ABTB2: variants seen among roughly 807,000 people sequenced by gnomAD.
The protein encoded by ABTB2 is ankyrin repeat and BTB domain containing 2, also known as ankyrin repeat and BTB/POZ domain-containing protein 2.
Under a neutral mutation model 104.1 loss-of-function variants are expected in ABTB2, and 56 were observed. The observed-to-expected ratio is 0.54, with a 90% CI of 0.43 to 0.67. The LOEUF is 0.67. Among genes scored for constraint, ABTB2 ranks in the 30% least tolerant of loss-of-function variants. The probability of loss-of-function intolerance (pLI) is 0.00; values close to 1 mark genes in which losing one functional copy is unlikely to be tolerated. For synonymous variants in ABTB2, 606 were observed against 608.2 expected (o/e 1.00, Z 0.05); for missense variants, 1,279 against 1,407.7 (o/e 0.91, Z 1.46).
chr11:34,254,348 A>G (rs1241429264), intron 1 of ABTB2, among the ~76,000 whole-genome samples: 1 of 152,034 alleles, frequency 6.6e-6, no homozygotes, highest in Non-Finnish European at 1.5e-5. Flanking sequence ...CCCAGGCTTA[A>G]GCGATCCTAC....
At chr11:34,191,310 G>A (rs1056092215) in intron 3 of ABTB2, among the ~76,000 whole-genome samples, 1 of 152,188 alleles carries the variant, frequency 6.6e-6, no homozygotes, top group Admixed American at 6.5e-5. Flanking sequence ...CAACAAAGTG[G>A]CTGGAACCCA....
chr11:34,206,408 CCT>C (rs1853408167), intron 1 of ABTB2, among the ~76,000 whole-genome samples: 1 of 151,988 alleles, frequency 6.6e-6, no homozygotes, highest in Non-Finnish European at 1.5e-5. Flanking sequence ...ACAAAAAAAC[CCT>C]GTGTGATGGG....
chr11:34,254,250 T>G (rs559403213), intron 1 of ABTB2, among the ~76,000 whole-genome samples: 29 of 151,818 alleles, frequency 1.9e-4, no homozygotes, highest in Non-Finnish European at 3.4e-4. Flanking sequence ...AAAGGGAAGC[T>G]TTTTGATTTT....
In ABTB2 at chr11:34,159,277, G is replaced by A. The variant is rs374406875; in HGVS notation, c.2697+19C>T. ...AGGGTCATCCCTCTGAGAAGAGGGC[G>A]GCACCAAGACCCACACACCTGAAAA... On this transcript the variant is annotated intron_variant, in intron 14 of 16. Transcript: ENST00000435224. 142 of 1,598,200 alleles carry A rather than the reference G, an allele frequency of 8.9e-5. No individual in the cohort carries two copies. Among genetic ancestry groups the A allele is most frequent in the Admixed American group, 1.0e-4 (6 of 59,806 alleles).
intron 9 of ABTB2, 142 bp from the exon 10 acceptor site, chr11:34,162,947 G>A (rs1229185115): frequency 1.3e-6 from 1 of 774,862 alleles, no homozygotes; most frequent in Admixed American, 2.6e-5. Flanking sequence ...TCCTCCTCCA[G>A]GCAGGCCAGG....
At chr11:34,278,201 TA>T (rs889759774) in intron 1 of ABTB2, among the ~76,000 whole-genome samples, 4 of 151,934 alleles carry the variant, frequency 2.6e-5, no homozygotes, top group African/African-American at 4.8e-5. Flanking sequence ...AAAAAAAAGT[TA>T]AAAAAATAAA....
intron 1 of ABTB2, among the ~76,000 whole-genome samples, chr11:34,215,544 A>G (rs887371572): frequency 7.2e-5 from 11 of 152,206 alleles, no homozygotes; most frequent in Admixed American, 1.3e-4. Flanking sequence ...AAAGGGATTG[A>G]TCATTAGACT....
chr11:34,291,905 GTTTT>G (rs796382639), intron 1 of ABTB2, among the ~76,000 whole-genome samples: 5 of 146,208 alleles, frequency 3.4e-5, no homozygotes, highest in Admixed American at 6.9e-5. Flanking sequence ...CTAATAAGAG[GTTTT>G]TTTTTTTGGC....
Position 34,197,364 on chromosome 11 carries a change from G to A in ABTB2, c.1205C>T (p.Pro402Leu). 6.2e-7 allele frequency: 1 copy of A among 1,613,992 alleles called. No homozygotes were observed. Among genetic ancestry groups the A allele is most frequent in the Admixed American group, 1.7e-5 (1 of 59,984 alleles). The change falls in exon 3 of 17, where the codon CCC (proline) becomes CTC (leucine). Residue 402 changes from proline to leucine, a missense_variant. Transcript: ENST00000435224. The part of the protein sequence containing the change: ...RCPQMESMEN[P>L]NLDPPRMTLN... ...GGTCATTCTCGGGGGGTCCAGGTTGGGGTTCTCCATGGACTCCATCTGTGG... is the reference window on the plus strand; with the variant it reads ...GGTCATTCTCGGGGGGTCCAGGTTGAGGTTCTCCATGGACTCCATCTGTGG...
chr11:34,299,417 G>A (rs556034790), intron 1 of ABTB2, among the ~76,000 whole-genome samples: 1 of 152,262 alleles, frequency 6.6e-6, no homozygotes, highest in South Asian at 2.1e-4. Context: ...GATCTCCAAG[G>A]GTATCAGGTT....
chr11:34,312,656 A>T (rs953360689), intron 1 of ABTB2, among the ~76,000 whole-genome samples: 1 of 152,200 alleles, frequency 6.6e-6, no homozygotes, highest in Non-Finnish European at 1.5e-5. Flanking sequence ...CAGCTGGTCT[A>T]AGAGAAAATA....
chr11:34,160,681 A>G lies in ABTB2; in HGVS notation c.2397+222T>C, dbSNP rs1375703928. On this transcript the variant is annotated intron_variant, in intron 11 of 16. Transcript: ENST00000435224. Reference sequence around the variant, plus strand: ...TGCACGCGCGCGCGTGTGTGTGTGTATGTGTGTGTTGAGTGGGGGGGGGGG... The same window carrying G: ...TGCACGCGCGCGCGTGTGTGTGTGTGTGTGTGTGTTGAGTGGGGGGGGGGG... Among the ~76,000 whole-genome samples, 32 of 37,426 alleles carry G rather than the reference A, an allele frequency of 8.6e-4. 1 individual carries two copies. Among genetic ancestry groups the G allele is most frequent in the African/African-American group, 3.4e-3 (27 of 8,014 alleles). The allele number at this position is 37,426 out of a possible 152,430, so 24.6% of individuals were successfully genotyped here.
chr11:34,198,761 T>C (rs1449490027), intron 2 of ABTB2, among the ~76,000 whole-genome samples: 1 of 152,182 alleles, frequency 6.6e-6, no homozygotes, highest in Non-Finnish European at 1.5e-5. Flanking sequence ...AAACGGCTCA[T>C]CATTGTGTGA....
At chr11:34,314,589 T>C (rs1854901995) in intron 1 of ABTB2, among the ~76,000 whole-genome samples, 1 of 152,112 alleles carries the variant, frequency 6.6e-6, no homozygotes, top group Middle Eastern at 3.2e-3. Flanking sequence ...TGCTGATGGC[T>C]CTCTTTTGAG....
intron 1 of ABTB2, among the ~76,000 whole-genome samples, chr11:34,236,849 G>A (rs1273149833): frequency 6.6e-6 from 1 of 152,186 alleles, no homozygotes; most frequent in African/African-American, 2.4e-5. Context: ...CAGCTTGGGT[G>A]TGCCCAGCCA....
intron 1 of ABTB2, among the ~76,000 whole-genome samples, chr11:34,295,244 AT>A (rs895494308): frequency 6.6e-6 from 1 of 152,172 alleles, no homozygotes; most frequent in Non-Finnish European, 1.5e-5. Flanking sequence ...GATGAGAATG[AT>A]CCAGCAGAGA....
intron 1 of ABTB2, among the ~76,000 whole-genome samples, chr11:34,225,817 A>G (rs1342385494): frequency 1.3e-5 from 2 of 152,098 alleles, no homozygotes; most frequent in African/African-American, 2.4e-5. Flanking sequence ...AGAAAAGGAG[A>G]AAGAAGAAAG....
At position 34,154,866 on chromosome 11, in the gene ABTB2, G is replaced by T; in HGVS notation, c.2698-97C>A. 2 of 1,210,620 alleles carry T rather than the reference G, an allele frequency of 1.7e-6. No individual in the cohort carries two copies. Among genetic ancestry groups the T allele is most frequent in the Non-Finnish European group, 1.2e-6 (1 of 832,568 alleles). The allele number at this position is 1,210,620 out of a possible 1,614,324, so 75.0% of individuals were successfully genotyped here. ...GTACTGCTCCAGCTGCCGCCTCCAG[G>T]GGCCTGTCCCTCTGCAGGTCCCCAG... On this transcript the variant is annotated intron_variant, in intron 14 of 16. Transcript: ENST00000435224. This position sits in a 1 kb window ranked among gnomAD's most constrained non-coding sequence, Gnocchi z 4.9.
intron 1 of ABTB2, among the ~76,000 whole-genome samples, chr11:34,293,744 A>G (rs1406613383): frequency 6.6e-6 from 1 of 152,020 alleles, no homozygotes; most frequent in African/African-American, 2.4e-5. Flanking sequence ...TTTTTCCTCA[A>G]GATGGAGTCT....
Sources: allele counts gnomAD v4.1 joint callset (sites outside exome capture counted in the v4.1 genomes callset), GRCh38; gene constraint gnomAD v4.1.1; non-coding constraint Gnocchi (gnomAD v3.1); transcripts MANE v1.5; gene names NCBI Gene and HGNC (gene_info 2026-07-23, HGNC 2026-07-21).